The following SLC25A13 variants were observed in gnomAD, a reference collection of about 807,000 sequenced individuals.
SLC25A13 encodes solute carrier family 25 member 13, also known as electrogenic aspartate/glutamate antiporter SLC25A13, mitochondrial.
A neutral mutation model predicts 85.5 loss-of-function variants in SLC25A13; 70 were observed. The observed-to-expected ratio is 0.82, with a 90% confidence interval of 0.68 to 1.00. The LOEUF is 1.00. Among genes scored for constraint, SLC25A13 ranks in the 50% least tolerant of loss-of-function variants. The pLI, the probability that SLC25A13 is intolerant of heterozygous loss-of-function variation, is 0.00. For missense variants in SLC25A13, 765 were observed against 819.8 expected (o/e 0.93, Z 0.82); for synonymous variants, 259 against 288.7 (o/e 0.90, Z 1.04).
At chr7:96,250,186 C>CA (rs1354412231) in intron 3 of SLC25A13, among the ~76,000 whole-genome samples, 2 of 150,362 alleles carry the variant, frequency 1.3e-5, no homozygotes, top group East Asian at 3.9e-4. Context: ...GACTCTGTCT[C>CA]AAAAAAAGAA....
chr7:96,159,292 T>C (rs564287031), intron 13 of SLC25A13, among the ~76,000 whole-genome samples: 36 of 152,274 alleles, frequency 2.4e-4, no homozygotes, highest in Non-Finnish European at 4.9e-4. Flanking sequence ...CTCTCCAAAA[T>C]TTGTATACTG....
chr7:96,162,328 T>C (rs1793539187), intron 13 of SLC25A13, among the ~76,000 whole-genome samples: 1 of 152,192 alleles, frequency 6.6e-6, no homozygotes, highest in African/African-American at 2.4e-5. Context: ...AATGGTGACT[T>C]TGAGTATATT....
At chr7:96,212,537 C>A (rs1047663260) in intron 4 of SLC25A13, among the ~76,000 whole-genome samples, 2 of 152,088 alleles carry the variant, frequency 1.3e-5, no homozygotes, top group Non-Finnish European at 2.9e-5. Flanking sequence ...TGATCTGGGA[C>A]CTGAAAGGTG....
At chr7:96,306,430 G>A (rs933485613) in intron 1 of SLC25A13, among the ~76,000 whole-genome samples, 1 of 152,332 alleles carries the variant, frequency 6.6e-6, no homozygotes, top group Non-Finnish European at 1.5e-5. Context: ...CCTTCTTACT[G>A]GTGTAAGAAT....
intron 13 of SLC25A13, among the ~76,000 whole-genome samples, chr7:96,162,950 G>C (rs1354720904): frequency 1.3e-5 from 2 of 152,116 alleles, no homozygotes; most frequent in African/African-American, 4.8e-5. Flanking sequence ...AAGCAATCTA[G>C]AGAATGAATG....
At chr7:96,254,752 T>C (rs917503094) in intron 3 of SLC25A13, among the ~76,000 whole-genome samples, 2 of 151,884 alleles carry the variant, frequency 1.3e-5, no homozygotes, top group Non-Finnish European at 2.9e-5. Flanking sequence ...TGAACACAAA[T>C]ACACATATAA....
chr7:96,257,327 TAAA>T (rs1797678056), intron 3 of SLC25A13, among the ~76,000 whole-genome samples: 1 of 150,842 alleles, frequency 6.6e-6, no homozygotes, highest in South Asian at 2.1e-4. Context: ...GCCAGACTAA[TAAA>T]GAAGAAAAGA....
chr7:96,296,293 C>A (rs1310992466), intron 2 of SLC25A13, among the ~76,000 whole-genome samples: 2 of 152,050 alleles, frequency 1.3e-5, no homozygotes, highest in South Asian at 2.1e-4. Flanking sequence ...AAAAGCTATA[C>A]GGGTCAATCC....
chr7:96,143,005 C>G (rs906128386), intron 14 of SLC25A13, among the ~76,000 whole-genome samples: 3 of 152,190 alleles, frequency 2.0e-5, no homozygotes, highest in Non-Finnish European at 4.4e-5. Flanking sequence ...ACACAGCAGA[C>G]AGAGTCCATA....
At chr7:96,163,512 ATAAG>A (rs1303182458) in intron 13 of SLC25A13, among the ~76,000 whole-genome samples, 1 of 152,204 alleles carries the variant, frequency 6.6e-6, no homozygotes, top group Admixed American at 6.5e-5. Context: ...GAGAATAATA[ATAAG>A]TATCTATTTG....
chr7:96,194,924 A>C (rs1795003231), intron 5 of SLC25A13, among the ~76,000 whole-genome samples: 1 of 152,144 alleles, frequency 6.6e-6, no homozygotes, highest in Admixed American at 6.5e-5. Context: ...CCTCAGCTGA[A>C]ACTCTCTTCT....
At chr7:96,190,098 T>G (rs1794786521) in intron 7 of SLC25A13, among the ~76,000 whole-genome samples, 3 of 151,000 alleles carry the variant, frequency 2.0e-5, no homozygotes, top group African/African-American at 7.3e-5. Context: ...TTTTTTTTTT[T>G]TTTTGAGACA....
intron 13 of SLC25A13, 100 bp downstream of exon 13, chr7:96,169,945 T>G (rs1793930411): frequency 1.7e-6 from 2 of 1,206,044 alleles, no homozygotes; most frequent in African/African-American, 3.0e-5. Context: ...GTGCAGGATC[T>G]GTGGTTAAAC....
intron 15 of SLC25A13, among the ~76,000 whole-genome samples, chr7:96,125,816 T>G (rs890250180): frequency 4.7e-5 from 7 of 149,598 alleles, no homozygotes; most frequent in African/African-American, 1.7e-4. Flanking sequence ...ATCATATCCA[T>G]TATATCATTC....
chr7:96,137,945 C>T (rs1425395087), intron 14 of SLC25A13, among the ~76,000 whole-genome samples: 1 of 152,206 alleles, frequency 6.6e-6, no homozygotes, highest in East Asian at 1.9e-4. Flanking sequence ...AACTCCCTTA[C>T]TTTGGCTGAA....
At chr7:96,245,210 A>C (rs1797142439) in intron 3 of SLC25A13, among the ~76,000 whole-genome samples, 1 of 152,198 alleles carries the variant, frequency 6.6e-6, no homozygotes, top group African/African-American at 2.4e-5. Context: ...CTCACTTGCT[A>C]GTACGTAGTT....
At chr7:96,253,231 G>A (rs1270008783) in intron 3 of SLC25A13, among the ~76,000 whole-genome samples, 2 of 152,206 alleles carry the variant, frequency 1.3e-5, no homozygotes, top group South Asian at 2.1e-4. Context: ...TCTTCACATG[G>A]AAGGTCTGTT....
At chr7:96,122,846 T>C (rs753212264) in intron 15 of SLC25A13, among the ~76,000 whole-genome samples, 14 of 152,242 alleles carry the variant, frequency 9.2e-5, no homozygotes, top group Non-Finnish European at 1.3e-4. Context: ...CAGAAGACAC[T>C]GTCTCTTATG....
intron 3 of SLC25A13, among the ~76,000 whole-genome samples, chr7:96,251,065 A>G (rs946621695): frequency 2.0e-5 from 3 of 152,222 alleles, no homozygotes; most frequent in African/African-American, 7.2e-5. Context: ...AAAAAAATTA[A>G]TGAAACCCAC....
Sources: gnomAD v4.1 joint callset for allele counts (sites outside exome capture counted in the v4.1 genomes callset) on GRCh38, gnomAD v4.1.1 for gene constraint, MANE v1.5 for transcripts, NCBI Gene and HGNC (gene_info 2026-07-23, HGNC 2026-07-21) for gene names.